The following ATP11A variants were observed in gnomAD, a reference collection of about 807,000 sequenced individuals.
The protein encoded by ATP11A is phospholipid-transporting ATPase IH.
A neutral mutation model predicts 154.4 loss-of-function variants in ATP11A; 81 were observed. The ratio of observed to expected loss-of-function variants is 0.52; its 90% CI spans 0.44 to 0.63. The LOEUF (loss-of-function observed/expected upper bound fraction) is 0.63. ATP11A is among the 30% of genes least tolerant of loss of function. The pLI, the probability that ATP11A is intolerant of heterozygous loss-of-function variation, is 0.00. For missense variants in ATP11A, 1,316 were observed against 1,474.3 expected (o/e 0.89, Z 1.76); for synonymous variants, 623 against 585.9 (o/e 1.06, Z -0.91).
At chr13:112,818,486 A>G (rs2078708725) in intron 6 of ATP11A, among the ~76,000 whole-genome samples, 1 of 152,196 alleles carries the variant, frequency 6.6e-6, no homozygotes. Flanking sequence ...CTCTTCCACT[A>G]GAAAGAAACA....
intron 1 of ATP11A, among the ~76,000 whole-genome samples, chr13:112,748,964 C>T (rs1038773954): frequency 3.3e-5 from 5 of 152,220 alleles, no homozygotes; most frequent in Non-Finnish European, 7.3e-5. Context: ...TCTTCCACAT[C>T]ACGGAGCACA....
rs1277495046 is a variant in ATP11A, at chr13:112,882,221, C to T, written c.*355C>T. On this transcript the variant is annotated 3_prime_UTR_variant, in exon 30 of 30. Coordinates refer to ENST00000375645, the MANE Select transcript of ATP11A (RefSeq NM_015205.3). The surrounding 1 kb of genome is among the most constrained non-coding windows in gnomAD (Gnocchi z 5.1). The stretch of plus-strand genomic sequence containing the variant: ...GCCACACCAGTGGCCTCTGGGCATT[C>T]GGCTCAACGCAGGAGGGACATTCTG... 1.6e-5 allele frequency: 15 copies of T among 945,636 alleles called. No homozygotes were observed. Among genetic ancestry groups the T allele is most frequent in the African/African-American group, 1.0e-4 (6 of 58,790 alleles). 58.6% of individuals were successfully genotyped at this position (945,636 alleles called of 1,614,324 possible). A position where few individuals can be genotyped will look rare whatever the true frequency, so the allele number is the denominator to read the frequency against.
chr13:112,715,281 G>A (rs974347304), intron 1 of ATP11A, among the ~76,000 whole-genome samples: 22 of 151,614 alleles, frequency 1.5e-4, no homozygotes, highest in African/African-American at 5.3e-4. Context: ...TCTACAGAGA[G>A]GCACCAACCT....
intron 10 of ATP11A, 53 bp from the exon 11 acceptor site, chr13:112,825,377 T>C: frequency 6.5e-7 from 1 of 1,543,162 alleles, no homozygotes; most frequent in Non-Finnish European, 8.8e-7. Context: ...GAGAAGGAAG[T>C]GCAGAGCTCA....
rs1287017590 is a variant in ATP11A, at chr13:112,873,669, G to A, written c.3154G>A (p.Val1052Met). 6.2e-7 allele frequency: 1 copy of A among 1,610,890 alleles called. No individual in the cohort carries two copies. Among genetic ancestry groups the A allele is most frequent in the African/African-American group, 1.3e-5 (1 of 74,804 alleles). ...TGTCTTTTCGCTTCTCTGGGGAGGA[G>A]TGATCTGGTAAATATCTGATAAGTA... The part of the protein sequence containing the change: ...YVVFSLLWGG[V>M]IWPFLNYQRM... The change falls in exon 27 of 30, where the codon GTG (valine) becomes ATG (methionine). Residue 1052 changes from valine (V) to methionine (M), a missense_variant. By Grantham distance (21) the Val-to-Met change is conservative. Around this residue, in one of 5 missense-constraint regions of ATP11A, gnomAD observed 294 missense variants for 290.2 expected, o/e 1.01. Transcript: ENST00000375645.
chr13:112,821,070 C>T (rs188423838), intron 8 of ATP11A, among the ~76,000 whole-genome samples: 2 of 152,288 alleles, frequency 1.3e-5, no homozygotes, highest in East Asian at 3.9e-4. Flanking sequence ...ATATACTGTT[C>T]TAAAGGTAAA....
At chr13:112,778,140 G>A (rs2077393535) in intron 1 of ATP11A, among the ~76,000 whole-genome samples, 1 of 152,194 alleles carries the variant, frequency 6.6e-6, no homozygotes, top group Admixed American at 6.5e-5. Flanking sequence ...CATACCTTTT[G>A]CAAAAATGTA....
intron 2 of ATP11A, among the ~76,000 whole-genome samples, chr13:112,794,297 C>G (rs1196129801): frequency 6.6e-6 from 1 of 152,124 alleles, no homozygotes; most frequent in African/African-American, 2.4e-5. Flanking sequence ...CAACGATGAG[C>G]GAAGGATAAC....
intron 1 of ATP11A, among the ~76,000 whole-genome samples, chr13:112,767,484 C>A (rs1325742828): frequency 8.1e-6 from 1 of 124,118 alleles, no homozygotes; most frequent in Admixed American, 7.8e-5. Context: ...GCTGGGAGCC[C>A]CCGTGGAAAG....
rs1330054248 is a variant in ATP11A, at chr13:112,697,764, G to C, written c.39+7309G>C. Among the ~76,000 whole-genome samples the C allele has an allele frequency of 2.8e-5, 4 of 144,916 alleles. No homozygotes were observed. The highest frequency in any genetic ancestry group is 4.5e-5 in the Non-Finnish European group (3 of 66,882). On this transcript the variant is annotated intron_variant, in intron 1 of 29. Transcript: ENST00000375645. The surrounding 1 kb of genome is among the most constrained non-coding windows in gnomAD (Gnocchi z 4.0). ...TTTTTTTTTTTTTTTAGTAGAGATG[G>C]GGTTTCACCATATTGGCCAGGCTGG... is the stretch of plus-strand genomic sequence containing the variant.
chr13:112,822,298 T>C (rs1322933764), intron 8 of ATP11A, among the ~76,000 whole-genome samples: 1 of 152,232 alleles, frequency 6.6e-6, no homozygotes, highest in Non-Finnish European at 1.5e-5. Context: ...AACCCTGTTA[T>C]ATCAAGAATA....
intron 1 of ATP11A, among the ~76,000 whole-genome samples, chr13:112,739,039 A>G (rs377125731): frequency 5.9e-5 from 9 of 152,236 alleles, no homozygotes; most frequent in African/African-American, 1.9e-4. Context: ...CACAGGGACA[A>G]ATCATGGTGA....
At chr13:112,842,239 T>G in intron 16 of ATP11A, 37 bp from the exon 17 acceptor site, 1 of 1,441,916 alleles carries the variant, frequency 6.9e-7, no homozygotes, top group Non-Finnish European at 9.6e-7. Context: ...GTCTTCCCCA[T>G]ATTGTGATTA....
Position 112,859,272 on chromosome 13 carries a change from G to A in ATP11A, c.2668-121G>A. 2.5e-6 allele frequency: 2 copies of A among 803,542 alleles called. No individual in the cohort carries two copies. Among genetic ancestry groups the A allele is most frequent in the Non-Finnish European group, 4.5e-6 (2 of 448,590 alleles). 49.8% of individuals were successfully genotyped at this position (803,542 alleles called of 1,614,324 possible). On this transcript the variant is annotated intron_variant, in intron 22 of 29. Coordinates refer to ENST00000375645, the MANE Select transcript of ATP11A (RefSeq NM_015205.3). This position sits in a 1 kb window ranked among gnomAD's most constrained non-coding sequence, Gnocchi z 4.3. Reference sequence around the variant, plus strand: ...AAGCTTTCTAGAACCCATTAGTGCTGTTCTGCCGCACGCTGGGTGCACGTG... The same window carrying A: ...AAGCTTTCTAGAACCCATTAGTGCTATTCTGCCGCACGCTGGGTGCACGTG...
intron 16 of ATP11A, among the ~76,000 whole-genome samples, chr13:112,839,360 G>A (rs967595747): frequency 6.6e-6 from 1 of 152,024 alleles, no homozygotes; most frequent in African/African-American, 2.4e-5. Flanking sequence ...GCACCCTCCT[G>A]GAGCTCCTCC....
At chr13:112,717,775 A>G (rs1416002657) in intron 1 of ATP11A, 1 of 152,246 alleles carries the variant, frequency 6.6e-6, no homozygotes, top group Non-Finnish European at 1.5e-5. Context: ...ACATCTGTGC[A>G]TTAGAAATGA....
At chr13:112,815,046 C>T (rs1421449275) in intron 5 of ATP11A, among the ~76,000 whole-genome samples, 2 of 152,224 alleles carry the variant, frequency 1.3e-5, no homozygotes, top group South Asian at 2.1e-4. Flanking sequence ...AAGCAGGTGA[C>T]GCCCTGATCC....
chr13:112,828,978 C>T (rs1278108828), intron 12 of ATP11A, among the ~76,000 whole-genome samples: 1 of 152,244 alleles, frequency 6.6e-6, no homozygotes, highest in Non-Finnish European at 1.5e-5. Context: ...AGATCCTGTG[C>T]CAGAAGCACT....
chr13:112,819,888 T>C lies in ATP11A; in HGVS notation c.675-12T>C. On this transcript the variant is annotated splice_polypyrimidine_tract_variant and intron_variant, in intron 7 of 29. Transcript: ENST00000375645. ...GCGCGTCCGGTCAGTAACGTGGCTT[T>C]TCTGTCGCCAGGTTCGTGGGTCGCA... 4.3e-6 allele frequency: 7 copies of C among 1,614,076 alleles called. No individual in the cohort carries two copies. The highest frequency in any genetic ancestry group is 5.9e-6 in the Non-Finnish European group (7 of 1,179,994).
Sources: allele counts gnomAD v4.1 joint callset (sites outside exome capture counted in the v4.1 genomes callset), GRCh38; gene constraint gnomAD v4.1.1; regional missense constraint gnomAD v4.1.1; non-coding constraint Gnocchi (gnomAD v3.1); transcripts MANE v1.5; gene names NCBI Gene and HGNC (gene_info 2026-07-23, HGNC 2026-07-21).